Variants in SPAG16 observed in about 807,000 individuals in gnomAD.
SPAG16 encodes sperm-associated antigen 16 protein.
In SPAG16, 86 loss-of-function variants were observed where a neutral mutation model predicts 80.4. That is an observed-to-expected ratio of 1.07 (90% confidence interval 0.90 to 1.28). SPAG16 has a LOEUF of 1.28. SPAG16 is among the 50% of genes most tolerant of loss of function. SPAG16 has a pLI of 0.00. For synonymous variants in SPAG16, 294 were observed against 265.9 expected, an observed-to-expected ratio of 1.11 and a Z score of -1.03; for missense variants, 870 against 765.3, an observed-to-expected ratio of 1.14 and a Z score of -1.61.
intron 9 of SPAG16, among the ~76,000 whole-genome samples, chr2:213,432,861 T>A (rs2070389469): frequency 6.6e-6 from 1 of 152,044 alleles, no homozygotes; most frequent in Non-Finnish European, 1.5e-5. Flanking sequence ...AACAAAATAA[T>A]AGCTAATCAT....
chr2:213,717,097 G>A (rs2066267772), intron 10 of SPAG16, among the ~76,000 whole-genome samples: 1 of 151,686 alleles, frequency 6.6e-6, no homozygotes, highest in Non-Finnish European at 1.5e-5. Flanking sequence ...TCCATAGAGA[G>A]CTTCTTTCTG....
intron 10 of SPAG16, among the ~76,000 whole-genome samples, chr2:213,603,990 C>T (rs2061163433): frequency 1.3e-5 from 2 of 150,706 alleles, no homozygotes; most frequent in African/African-American, 4.9e-5. Flanking sequence ...ATGGCACGAT[C>T]TTGGCTCACT....
chr2:213,767,582 T>G (rs1454826385), intron 10 of SPAG16, among the ~76,000 whole-genome samples: 1 of 151,760 alleles, frequency 6.6e-6, no homozygotes, highest in African/African-American at 2.4e-5. Flanking sequence ...GACCTCTGAT[T>G]ACATTACTAT....
At chr2:214,074,191 C>T (rs957382335) in intron 13 of SPAG16, among the ~76,000 whole-genome samples, 2 of 152,124 alleles carry the variant, frequency 1.3e-5, no homozygotes. Flanking sequence ...CATGCTAGCA[C>T]TCTGATCTTA....
intron 10 of SPAG16, among the ~76,000 whole-genome samples, chr2:213,594,920 T>G (rs2060836590): frequency 6.6e-6 from 1 of 152,158 alleles, no homozygotes; most frequent in Non-Finnish European, 1.5e-5. Context: ...ATTAACTTAC[T>G]TTTGCATTGT....
chr2:214,189,093 G>A (rs544107881), intron 15 of SPAG16, among the ~76,000 whole-genome samples: 76 of 152,204 alleles, frequency 5.0e-4, no homozygotes, highest in African/African-American at 1.8e-3. Flanking sequence ...TAAGTATGTT[G>A]TATTGCATAG....
In SPAG16 at chr2:213,452,861, A is replaced by G. The variant is rs147071795; in HGVS notation, c.943-37102A>G. ...GGGCTATTGTATCAGCTAGACTAAT[A>G]AAAATTATTCTCCACATAATCATGT... On this transcript the variant is annotated intron_variant, in intron 9 of 15. Transcript: ENST00000331683. Among the ~76,000 whole-genome samples the G allele has an allele frequency of 5.8e-3, 889 of 152,380 alleles. 1 individual carries two copies. The highest frequency in any genetic ancestry group is 9.0e-3 in the Non-Finnish European group (613 of 68,038).
intron 10 of SPAG16, among the ~76,000 whole-genome samples, chr2:213,624,333 A>G (rs1440474429): frequency 6.6e-6 from 1 of 152,162 alleles, no homozygotes; most frequent in Non-Finnish European, 1.5e-5. Context: ...CCAGAAGCAA[A>G]CAGAATTTTA....
intron 13 of SPAG16, among the ~76,000 whole-genome samples, chr2:214,099,843 A>G (rs2052874633): frequency 6.6e-6 from 1 of 152,134 alleles, no homozygotes; most frequent in Non-Finnish European, 1.5e-5. Flanking sequence ...TGCTGGAAAC[A>G]TTTCATATCG....
chr2:213,771,407 G>A (rs1247949163), intron 10 of SPAG16, among the ~76,000 whole-genome samples: 1 of 152,010 alleles, frequency 6.6e-6, no homozygotes, highest in East Asian at 1.9e-4. Flanking sequence ...TAGGTTGTCT[G>A]TTCACTCTGA....
At chr2:213,819,623 C>A (rs2072803477) in intron 10 of SPAG16, among the ~76,000 whole-genome samples, 1 of 152,138 alleles carries the variant, frequency 6.6e-6, no homozygotes, top group Admixed American at 6.5e-5. Flanking sequence ...TAGCTCACTG[C>A]AGCTTTGTTC....
At chr2:214,001,556 C>A (rs917344109) in intron 12 of SPAG16, among the ~76,000 whole-genome samples, 5 of 152,188 alleles carry the variant, frequency 3.3e-5, no homozygotes, top group Non-Finnish European at 7.3e-5. Context: ...AGTCTATTAA[C>A]TTTCAGAAAC....
intron 15 of SPAG16, among the ~76,000 whole-genome samples, chr2:214,308,062 T>C (rs1695039378): frequency 1.3e-5 from 2 of 151,698 alleles, no homozygotes; most frequent in Admixed American, 6.6e-5. Flanking sequence ...TTTATGAATC[T>C]GGGTCCTCCT....
Position 214,039,289 on chromosome 2 carries a change from G to C in SPAG16, c.1527+25212G>C, listed in dbSNP as rs1400630523. Among the ~76,000 whole-genome samples, 8 of 152,200 alleles carry C rather than the reference G, an allele frequency of 5.3e-5. No individual in the cohort carries two copies. In the East Asian group the frequency reaches 9.7e-4, roughly 18 times the overall value. The stretch of plus-strand genomic sequence containing the variant: ...GGTTTTGATTTGCATTTCTCTGATG[G>C]CCAGTGATGATGAGCATTTTTTCAT... On this transcript the variant is annotated intron_variant, in intron 13 of 15. Transcript: ENST00000331683.
At chr2:213,654,986 C>T (rs995157468) in intron 10 of SPAG16, among the ~76,000 whole-genome samples, 4 of 152,220 alleles carry the variant, frequency 2.6e-5, no homozygotes, top group Admixed American at 6.5e-5. Flanking sequence ...AAATATACAT[C>T]GAGCATTACA....
intron 13 of SPAG16, among the ~76,000 whole-genome samples, chr2:214,060,279 G>A (rs1265056469): frequency 1.3e-5 from 2 of 152,178 alleles, no homozygotes; most frequent in South Asian, 2.1e-4. Context: ...GAGTTGGGAG[G>A]AAGAAGGAGC....
chr2:213,329,905 G>A (rs2064014106), intron 5 of SPAG16, among the ~76,000 whole-genome samples: 1 of 152,222 alleles, frequency 6.6e-6, no homozygotes, highest in South Asian at 2.1e-4. Context: ...CTCCAGCCAT[G>A]ACTAAAAGGG....
intron 10 of SPAG16, among the ~76,000 whole-genome samples, chr2:213,664,796 A>G (rs904765142): frequency 1.3e-5 from 2 of 151,382 alleles, no homozygotes; most frequent in African/African-American, 4.9e-5. Context: ...TCTTTCTGAA[A>G]CTTCATATAT....
chr2:214,090,859 G>A (rs997180690), intron 13 of SPAG16, among the ~76,000 whole-genome samples: 2 of 151,926 alleles, frequency 1.3e-5, no homozygotes, highest in South Asian at 4.1e-4. Flanking sequence ...TAAACACAGG[G>A]CCTATAGAGT....
Sources: allele counts gnomAD v4.1 joint callset (sites outside exome capture counted in the v4.1 genomes callset), GRCh38; gene constraint gnomAD v4.1.1; transcripts MANE v1.5; gene names NCBI Gene and HGNC (gene_info 2026-07-23, HGNC 2026-07-21).